MEGF11: variants seen among roughly 807,000 people sequenced by gnomAD.
The protein encoded by MEGF11 is multiple EGF like domains 11.
MEGF11 carries 126 observed loss-of-function variants against 146.6 expected under a neutral mutation model. The observed-to-expected ratio is 0.86, with a 90% CI of 0.74 to 1.00. The LOEUF is 1.00. MEGF11 is among the 50% of genes least tolerant of loss of function. The pLI, the probability that MEGF11 is intolerant of heterozygous loss-of-function variation, is 0.00. For missense variants in MEGF11, 1,509 were observed against 1,521.2 expected, an observed-to-expected ratio of 0.99 and a Z score of 0.13; for synonymous variants, 532 against 583.4, an observed-to-expected ratio of 0.91 and a Z score of 1.27.
At chr15:66,165,341 T>A (rs1225367619) in intron 1 of MEGF11, among the ~76,000 whole-genome samples, 1 of 151,782 alleles carries the variant, frequency 6.6e-6, no homozygotes, top group Non-Finnish European at 1.5e-5. Flanking sequence ...TGGTGCAGAG[T>A]GGAGAGAGTA....
intron 10 of MEGF11, among the ~76,000 whole-genome samples, chr15:65,949,806 C>T (rs1019065015): frequency 1.3e-5 from 2 of 152,224 alleles, no homozygotes; most frequent in Middle Eastern, 3.2e-3. Flanking sequence ...ATTAGTCCTA[C>T]AGCAGTGGAG....
At chr15:66,147,293 C>T (rs1335567177) in intron 1 of MEGF11, among the ~76,000 whole-genome samples, 1 of 152,200 alleles carries the variant, frequency 6.6e-6, no homozygotes, top group African/African-American at 2.4e-5. Context: ...CAGCCCAGGG[C>T]CCTTGCCAGC....
At chr15:66,050,425 G>A (rs1156492393) in intron 5 of MEGF11, among the ~76,000 whole-genome samples, 1 of 152,208 alleles carries the variant, frequency 6.6e-6, no homozygotes, top group Non-Finnish European at 1.5e-5. Context: ...AGCGAGCAGT[G>A]AGCCATGTGG....
intron 4 of MEGF11, among the ~76,000 whole-genome samples, chr15:66,108,675 T>A (rs747257503): frequency 1.3e-5 from 2 of 152,192 alleles, no homozygotes; most frequent in Non-Finnish European, 2.9e-5. Flanking sequence ...CAAGGCTTCC[T>A]GTGTACAGGA....
intron 1 of MEGF11, among the ~76,000 whole-genome samples, chr15:66,207,635 T>C (rs547797954): frequency 1.7e-4 from 26 of 152,344 alleles, no homozygotes; most frequent in African/African-American, 5.8e-4. Flanking sequence ...TAAATGTAAC[T>C]ACATAGGTAA....
intron 5 of MEGF11, among the ~76,000 whole-genome samples, chr15:66,003,273 C>T (rs934802515): frequency 1.2e-4 from 19 of 152,096 alleles, no homozygotes; most frequent in Admixed American, 6.5e-5. Context: ...GGATTACAGT[C>T]GTGAGTCACC....
At chr15:66,247,616 C>T (rs1047001135) in intron 1 of MEGF11, among the ~76,000 whole-genome samples, 1 of 152,172 alleles carries the variant, frequency 6.6e-6, no homozygotes, top group African/African-American at 2.4e-5. Context: ...TGGTGCACAT[C>T]TGTGGTCCCA....
chr15:66,105,297 A>AG (rs2087014927), intron 4 of MEGF11, among the ~76,000 whole-genome samples: 5 of 152,158 alleles, frequency 3.3e-5, no homozygotes, highest in Non-Finnish European at 7.4e-5. Context: ...GAGGAGGAGG[A>AG]AGAGAGAGAC....
intron 1 of MEGF11, among the ~76,000 whole-genome samples, chr15:66,137,345 C>T (rs2088931557): frequency 6.6e-6 from 1 of 152,072 alleles, no homozygotes. Flanking sequence ...GTAAATTCAC[C>T]GACGTGGGAA....
intron 5 of MEGF11, among the ~76,000 whole-genome samples, chr15:66,007,672 G>C (rs927799995): frequency 1.3e-5 from 2 of 152,214 alleles, no homozygotes; most frequent in Non-Finnish European, 1.5e-5. Context: ...AGGATGGCTT[G>C]AGTCTGGAGG....
At chr15:66,143,477 C>T (rs1455072081) in intron 1 of MEGF11, among the ~76,000 whole-genome samples, 4 of 152,346 alleles carry the variant, frequency 2.6e-5, no homozygotes, top group African/African-American at 7.2e-5. Flanking sequence ...GGGTGCTTCT[C>T]GGGTGCAGAC....
At chr15:66,243,531 G>A (rs917258138) in intron 1 of MEGF11, among the ~76,000 whole-genome samples, 5 of 152,156 alleles carry the variant, frequency 3.3e-5, no homozygotes, top group Admixed American at 1.3e-4. Context: ...ACAAGGCCAC[G>A]ATCACTGGAA....
Position 65,940,158 on chromosome 15 carries a change from T to A in MEGF11, c.1288-9215A>T, listed in dbSNP as rs187521521. 2.6e-3 allele frequency among the ~76,000 whole-genome samples: 393 copies of A among 152,220 alleles called. 2 individuals carry two copies. The highest frequency in any genetic ancestry group is 4.9e-3 in the Non-Finnish European group (334 of 67,998). On this transcript the variant is annotated intron_variant, in intron 10 of 25. Transcript: ENST00000395614. ...GCTAGTCCCTCCCTACTTCCATGGG[T>A]TCTGCAGGCGGCCTGTAGTGGCTCT...
At chr15:66,083,514 T>G (rs2085981528) in intron 5 of MEGF11, among the ~76,000 whole-genome samples, 1 of 152,068 alleles carries the variant, frequency 6.6e-6, no homozygotes, top group African/African-American at 2.4e-5. Context: ...GGAGCATACC[T>G]ATAAAACTCA....
chr15:65,933,240 T>C (rs577138122), intron 10 of MEGF11, among the ~76,000 whole-genome samples: 1 of 152,292 alleles, frequency 6.6e-6, no homozygotes, highest in South Asian at 2.1e-4. Flanking sequence ...CCCAGAAAAC[T>C]CCAATTTCTC....
intron 5 of MEGF11, among the ~76,000 whole-genome samples, chr15:65,999,493 T>C (rs1010229751): frequency 2.0e-5 from 3 of 152,180 alleles, no homozygotes; most frequent in African/African-American, 7.2e-5. Context: ...GCTTTTTGCA[T>C]TGGGTTAAGG....
chr15:66,051,489 G>C (rs2084442929), intron 5 of MEGF11, among the ~76,000 whole-genome samples: 1 of 152,146 alleles, frequency 6.6e-6, no homozygotes, highest in Non-Finnish European at 1.5e-5. Context: ...TCCATCCAGG[G>C]AAGAAAAAGC....
chr15:66,039,746 T>C (rs138914113), intron 5 of MEGF11, among the ~76,000 whole-genome samples: 21 of 150,602 alleles, frequency 1.4e-4, no homozygotes, highest in Middle Eastern at 3.4e-3. Flanking sequence ...GGCTGAGGGT[T>C]CTGAGCCGGG....
intron 5 of MEGF11, among the ~76,000 whole-genome samples, chr15:65,997,462 G>A (rs532718796): frequency 6.6e-6 from 1 of 152,304 alleles, no homozygotes; most frequent in South Asian, 2.1e-4. Context: ...AGCAAAGCAA[G>A]GCCTTTATTC....
Sources: gnomAD v4.1 joint callset for allele counts (sites outside exome capture counted in the v4.1 genomes callset) on GRCh38, gnomAD v4.1.1 for gene constraint, MANE v1.5 for transcripts, NCBI Gene and HGNC (gene_info 2026-07-23, HGNC 2026-07-21) for gene names.